Variants in DOCK1 observed in about 807,000 individuals in gnomAD.
The protein encoded by DOCK1 is dedicator of cytokinesis protein 1.
A neutral mutation model predicts 262.7 loss-of-function variants in DOCK1; 138 were observed. The ratio of observed to expected loss-of-function variants is 0.53; its 90% CI spans 0.46 to 0.61. The LOEUF (loss-of-function observed/expected upper bound fraction) is 0.61, where lower values mean the gene tolerates loss of function less well. Ranked by LOEUF, DOCK1 falls within the 20% of genes least tolerant of loss-of-function variation. The pLI is 0.00. For missense variants in DOCK1, 1,908 were observed against 2,370.7 expected (o/e 0.80, Z 4.05); for synonymous variants, 866 against 867.4 (o/e 1.00, Z 0.03).
In DOCK1 at chr10:127,021,225, G is replaced by C. The variant is rs571100388; in HGVS notation, c.1328-1975G>C. ...CTGTCACCCGGGCTGGAGTGCAGTAGCACGATCTCAGCTCACCGCAACGTC... is the reference window on the plus strand; with the variant it reads ...CTGTCACCCGGGCTGGAGTGCAGTACCACGATCTCAGCTCACCGCAACGTC... On this transcript the variant is annotated intron_variant, in intron 13 of 51. Transcript: ENST00000623213. Among the ~76,000 whole-genome samples the C allele has an allele frequency of 1.3e-3, 193 of 152,294 alleles. 1 individual carries two copies. The highest frequency in any genetic ancestry group is 2.4e-3 in the Non-Finnish European group (164 of 68,016).
intron 6 of DOCK1, 89 bp from the exon 7 acceptor site, chr10:126,996,659 C>A: frequency 7.5e-7 from 1 of 1,327,380 alleles, no homozygotes. Context: ...GTTGTTTTTA[C>A]CTGCCCAGTT....
At chr10:127,363,754 A>G (rs2064729621) in intron 33 of DOCK1, among the ~76,000 whole-genome samples, 1 of 152,212 alleles carries the variant, frequency 6.6e-6, no homozygotes, top group African/African-American at 2.4e-5. Flanking sequence ...TCCACGAAGA[A>G]TGATTTTGCT....
intron 27 of DOCK1, among the ~76,000 whole-genome samples, chr10:127,174,143 A>G (rs2054843063): frequency 6.6e-6 from 1 of 152,226 alleles, no homozygotes; most frequent in Non-Finnish European, 1.5e-5. Context: ...TGTCCTGGAA[A>G]TACATTACTT....
rs532383917 is a variant in DOCK1, at chr10:127,009,048, A to G, written c.1058+244A>G. ...ACTTGTAATCACTGAATTGCCTTAT[A>G]TAGAAGGCACAGAGTTACAGCTCTG... On this transcript the variant is annotated intron_variant, in intron 11 of 51. Transcript: ENST00000623213. Among the ~76,000 whole-genome samples, 3 of 152,344 alleles carry G rather than the reference A, an allele frequency of 2.0e-5. No individual in the cohort carries two copies. In the South Asian group the frequency reaches 6.2e-4, roughly 32 times the overall value.
chr10:127,040,410 C>T (rs1438769953), intron 19 of DOCK1, among the ~76,000 whole-genome samples: 2 of 152,164 alleles, frequency 1.3e-5, no homozygotes, highest in African/African-American at 2.4e-5. Flanking sequence ...GATTTTACTC[C>T]TTAAAGGGTC....
intron 3 of DOCK1, among the ~76,000 whole-genome samples, chr10:126,981,546 A>G (rs1454283945): frequency 6.6e-6 from 1 of 152,210 alleles, no homozygotes; most frequent in African/African-American, 2.4e-5. Context: ...GTGTAAACCA[A>G]CTTTCATCAT....
At chr10:127,098,353 C>T (rs761406757) in intron 23 of DOCK1, among the ~76,000 whole-genome samples, 8 of 152,120 alleles carry the variant, frequency 5.3e-5, no homozygotes, top group Non-Finnish European at 8.8e-5. Flanking sequence ...AAGTTTGCAC[C>T]GAATGAAGAT....
At chr10:127,259,199 C>G (rs573048093) in intron 29 of DOCK1, among the ~76,000 whole-genome samples, 27 of 152,280 alleles carry the variant, frequency 1.8e-4, no homozygotes, top group African/African-American at 6.3e-4. Context: ...GAGTGGGGGT[C>G]TTGACCTCTG....
intron 25 of DOCK1, among the ~76,000 whole-genome samples, chr10:127,112,942 C>T (rs752601803): frequency 1.8e-4 from 27 of 152,104 alleles, no homozygotes; most frequent in Non-Finnish European, 3.4e-4. Flanking sequence ...AAGCTCTCTG[C>T]TTGTTCAAAG....
chr10:127,437,478 C>CT lies in DOCK1; in HGVS notation c.5061-1528dup, dbSNP rs5788842. ...GGAGCAAGATTGCTGCAATGACCAT[C>CT]TTTTTTTTTTTTTTTTTTTTTGAGA... On this transcript the variant is annotated intron_variant, in intron 48 of 51. Coordinates refer to ENST00000623213, the MANE Select transcript of DOCK1 (RefSeq NM_001290223.2). The surrounding 1 kb of genome is among the most constrained non-coding windows in gnomAD (Gnocchi z 4.4). Among the ~76,000 whole-genome samples, 7,524 of 145,392 alleles carry CT rather than the reference C, an allele frequency of 0.052. 282 individuals are homozygous for CT. Among genetic ancestry groups the CT allele is most frequent in the Non-Finnish European group, 0.082 (5,362 of 65,564 alleles).
chr10:126,909,287 C>T (rs997868348), intron 1 of DOCK1, among the ~76,000 whole-genome samples: 1 of 152,190 alleles, frequency 6.6e-6, no homozygotes, highest in Admixed American at 6.5e-5. Context: ...ATCCTGCCAA[C>T]ACCCTGAATG....
At chr10:126,908,542 A>C (rs910989562) in intron 1 of DOCK1, among the ~76,000 whole-genome samples, 1 of 152,240 alleles carries the variant, frequency 6.6e-6, no homozygotes, top group African/African-American at 2.4e-5. Flanking sequence ...AATCTGTTAG[A>C]AGCATTGTTT....
intron 1 of DOCK1, among the ~76,000 whole-genome samples, chr10:126,906,292 G>A (rs925721499): frequency 2.0e-5 from 3 of 152,196 alleles, no homozygotes; most frequent in African/African-American, 7.2e-5. Context: ...TCGGACCCGA[G>A]TGCGCATTCC....
chr10:127,189,739 G>T (rs376670830), intron 27 of DOCK1, among the ~76,000 whole-genome samples: 1 of 152,152 alleles, frequency 6.6e-6, no homozygotes, highest in Non-Finnish European at 1.5e-5. Flanking sequence ...CACACAGTAC[G>T]TTTGCACATG....
At chr10:127,247,581 T>G (rs1408936133) in intron 27 of DOCK1, among the ~76,000 whole-genome samples, 2 of 152,204 alleles carry the variant, frequency 1.3e-5, no homozygotes. Flanking sequence ...TTTTCTTGTA[T>G]TTAATGCAAA....
rs747051403 is a variant in DOCK1 at position 127,032,099 on chromosome 10, T to A, written c.1729-38T>A. On this transcript the variant is annotated intron_variant, in intron 17 of 51. Coordinates refer to ENST00000623213, the MANE Select transcript of DOCK1 (RefSeq NM_001290223.2). Reference sequence around the variant, plus strand: ...GGCAAAAATGGTGTGTTGCTGTTTGTGAATTGCCTTTGACATACGGCATGA... The same window carrying A: ...GGCAAAAATGGTGTGTTGCTGTTTGAGAATTGCCTTTGACATACGGCATGA... 8 of 1,561,492 alleles carry A rather than the reference T, an allele frequency of 5.1e-6. No homozygotes were observed. The African/African-American group carries it at 1.1e-4, about 21-fold the overall frequency.
At chr10:127,302,125 CT>C (rs11298379) in intron 29 of DOCK1, among the ~76,000 whole-genome samples, 16,493 of 151,704 alleles carry the variant, frequency 0.11, 1,136 homozygotes, top group African/African-American at 0.19. Flanking sequence ...TGGCCCGGAG[CT>C]TTTCCACAGC....
At chr10:127,161,901 G>A (rs1267829967) in intron 27 of DOCK1, among the ~76,000 whole-genome samples, 4 of 152,178 alleles carry the variant, frequency 2.6e-5, no homozygotes, top group African/African-American at 9.7e-5. Flanking sequence ...CAGATCTATG[G>A]GGGTTGGATT....
At chr10:126,952,982 A>G (rs940454556) in intron 1 of DOCK1, among the ~76,000 whole-genome samples, 196 of 148,294 alleles carry the variant, frequency 1.3e-3, no homozygotes, top group African/African-American at 4.8e-3. Context: ...TATTGTTGGT[A>G]GTATAGTTAG....
Sources: allele counts gnomAD v4.1 joint callset (sites outside exome capture counted in the v4.1 genomes callset), GRCh38; gene constraint gnomAD v4.1.1; non-coding constraint Gnocchi (gnomAD v3.1); transcripts MANE v1.5; gene names NCBI Gene and HGNC (gene_info 2026-07-23, HGNC 2026-07-21).